CLIC5: variants seen among roughly 807,000 people sequenced by gnomAD.
The protein encoded by CLIC5 is CLIC family member 5.
Under a neutral mutation model 24.7 loss-of-function variants are expected in CLIC5, and 20 were observed. The ratio of observed to expected loss-of-function variants is 0.81; its 90% CI spans 0.57 to 1.18. CLIC5 has a LOEUF of 1.18. CLIC5 is among the 50% of genes most tolerant of loss of function. CLIC5 has a pLI of 0.00. For synonymous variants in CLIC5, 159 were observed against 135.6 expected (o/e 1.17, Z -1.20); for missense variants, 341 against 326.1 (o/e 1.05, Z -0.35).
intron 1 of CLIC5, among the ~76,000 whole-genome samples, chr6:46,044,379 G>A (rs1039437673): frequency 4.6e-5 from 7 of 152,168 alleles, no homozygotes; most frequent in Non-Finnish European, 1.0e-4. Context: ...ACAAGGAAGG[G>A]GAAAACAAGA....
At chr6:46,023,379 C>G (rs936683296) in intron 1 of CLIC5, among the ~76,000 whole-genome samples, 3 of 152,120 alleles carry the variant, frequency 2.0e-5, no homozygotes, top group African/African-American at 7.2e-5. Context: ...GTAACTTATC[C>G]AAGGTCATGT....
rs1762543527 is a variant in CLIC5, at chr6:45,902,782, T to C, written c.*306A>G. On this transcript the variant is annotated 3_prime_UTR_variant, in exon 6 of 6. Transcript: ENST00000339561. ...GTATTTTGATATTGGCAGAAGAAGC[T>C]AGTGGCAATCCCATATGTGGGCTCT... 2.8e-6 allele frequency: 1 copy of C among 361,662 alleles called. No homozygotes were observed. Among genetic ancestry groups the C allele is most frequent in the Non-Finnish European group, 5.0e-6 (1 of 199,412 alleles). The allele number at this position is 361,662 out of a possible 1,614,324, so 22.4% of individuals were successfully genotyped here. A position where few individuals can be genotyped will look rare whatever the true frequency, so the allele number is the denominator to read the frequency against.
At chr6:46,054,100 A>T (rs893368033) in intron 1 of CLIC5, among the ~76,000 whole-genome samples, 4 of 152,254 alleles carry the variant, frequency 2.6e-5, no homozygotes, top group African/African-American at 9.6e-5. Context: ...GTTTGCCCTC[A>T]AAATGATTTT....
At chr6:46,004,317 A>G (rs148682517) in intron 1 of CLIC5, among the ~76,000 whole-genome samples, 44 of 152,318 alleles carry the variant, frequency 2.9e-4, no homozygotes, top group African/African-American at 8.7e-4. Context: ...CTTGCAGCAC[A>G]GTTAGATGAC....
chr6:45,966,130 A>C (rs535679697), intron 1 of CLIC5, among the ~76,000 whole-genome samples: 1 of 152,314 alleles, frequency 6.6e-6, no homozygotes, highest in East Asian at 1.9e-4. Context: ...TTCAATAATC[A>C]CTCATGAATC....
intron 1 of CLIC5, among the ~76,000 whole-genome samples, chr6:46,055,308 G>A (rs1768216230): frequency 6.6e-6 from 1 of 152,170 alleles, no homozygotes; most frequent in African/African-American, 2.4e-5. Flanking sequence ...TCACCACGTT[G>A]GCCAGGCTGG....
At chr6:46,009,069 A>G (rs1303574282) in intron 1 of CLIC5, among the ~76,000 whole-genome samples, 1 of 152,020 alleles carries the variant, frequency 6.6e-6, no homozygotes, top group East Asian at 1.9e-4. Context: ...GGGCAGGTAC[A>G]AGTGAAGAAG....
upstream of CLIC5, among the ~76,000 whole-genome samples, chr6:46,084,257 A>T (rs888003769): frequency 6.6e-6 from 1 of 151,978 alleles, no homozygotes; most frequent in African/African-American, 2.4e-5. Flanking sequence ...TTTTAATTGG[A>T]GCATTTAGTC....
Position 45,902,926 on chromosome 6 carries a change from T to G in CLIC5, c.*162A>C. 2.7e-6 allele frequency: 2 copies of G among 728,952 alleles called. No individual in the cohort carries two copies. The highest frequency in any genetic ancestry group is 2.6e-5 in the Admixed American group (1 of 38,214). 45.2% of individuals were successfully genotyped at this position (728,952 alleles called of 1,614,324 possible). ...GAGGAGGCCAGGGATGGTGCTGACC[T>G]TCATGAAAGATAGCAGGCTGGAGTT... On this transcript the variant is annotated 3_prime_UTR_variant, in exon 6 of 6. Transcript: ENST00000339561.
the CLIC5 span, among the ~76,000 whole-genome samples, chr6:46,128,631 G>A: frequency 1.3e-4 from 20 of 152,182 alleles, no homozygotes; most frequent in Admixed American, 1.3e-3. Flanking sequence ...AACAAGACGC[G>A]TTTTGCAGAT....
At chr6:46,018,273 G>A (rs139762937), upstream of CLIC5, among the ~76,000 whole-genome samples, 529 of 152,158 alleles carry the variant, frequency 3.5e-3, 2 homozygotes, top group African/African-American at 0.011. Context: ...ACGTATTTTC[G>A]ATCATTTCCT....
intron 4 of CLIC5, among the ~76,000 whole-genome samples, chr6:45,929,741 TG>T (rs1763653869): frequency 6.6e-6 from 1 of 152,172 alleles, no homozygotes; most frequent in African/African-American, 2.4e-5. Flanking sequence ...GCGGTCTTCC[TG>T]GGACCCAACT....
At chr6:46,100,150 C>T in the CLIC5 span, among the ~76,000 whole-genome samples, 2 of 152,136 alleles carry the variant, frequency 1.3e-5, no homozygotes, top group Non-Finnish European at 2.9e-5. Context: ...TAACTCATCC[C>T]AGTTTGGCTC....
intron 6 of CLIC5, among the ~76,000 whole-genome samples, chr6:45,886,189 T>C (rs1762303277): frequency 6.6e-6 from 1 of 151,858 alleles, no homozygotes; most frequent in Non-Finnish European, 1.5e-5. Context: ...GGGCAGGTGG[T>C]AGAAGATACC....
chr6:45,883,677 CAAAT>C (rs1762281172), intron 6 of CLIC5: 1 of 152,232 alleles, frequency 6.6e-6, no homozygotes, highest in South Asian at 2.1e-4. Flanking sequence ...AGGGTGTAAA[CAAAT>C]AGCCACAGTA....
chr6:46,120,406 G>A, the CLIC5 span, among the ~76,000 whole-genome samples: 1 of 152,152 alleles, frequency 6.6e-6, no homozygotes, highest in Non-Finnish European at 1.5e-5. Context: ...AAACAGAAAG[G>A]ACATCCACAC....
chr6:46,049,572 C>T (rs1301846941), intron 1 of CLIC5, among the ~76,000 whole-genome samples: 1 of 152,170 alleles, frequency 6.6e-6, no homozygotes, highest in Non-Finnish European at 1.5e-5. Context: ...TGGAGACCAA[C>T]AGACCCAGGT....
intron 1 of CLIC5, among the ~76,000 whole-genome samples, chr6:46,027,735 C>A (rs538703699): frequency 1.3e-5 from 2 of 152,302 alleles, no homozygotes; most frequent in Admixed American, 6.5e-5. Flanking sequence ...TTCTAAGACA[C>A]CTTTGCAATA....
chr6:46,039,931 C>T (rs1038162663), intron 1 of CLIC5, among the ~76,000 whole-genome samples: 1 of 152,206 alleles, frequency 6.6e-6, no homozygotes, highest in Admixed American at 6.5e-5. Flanking sequence ...ACTGTAAACC[C>T]TGGCAATTCA....
Sources: allele counts gnomAD v4.1 joint callset (sites outside exome capture counted in the v4.1 genomes callset), GRCh38; gene constraint gnomAD v4.1.1; transcripts MANE v1.5; gene names NCBI Gene and HGNC (gene_info 2026-07-23, HGNC 2026-07-21).